Variants in RPS6KA2 observed in about 807,000 individuals in gnomAD.
RPS6KA2 encodes the protein ribosomal protein S6 kinase alpha-2.
RPS6KA2 carries 42 observed loss-of-function variants against 91.8 expected under a neutral mutation model. The ratio of observed to expected loss-of-function variants is 0.46; its 90% CI spans 0.36 to 0.59. The LOEUF is 0.59. Among genes scored for constraint, RPS6KA2 ranks in the 20% least tolerant of loss-of-function variants. The pLI is 0.00. For synonymous variants in RPS6KA2, 414 were observed against 393.6 expected, an observed-to-expected ratio of 1.05 and a Z score of -0.61; for missense variants, 798 against 978.5, an observed-to-expected ratio of 0.82 and a Z score of 2.46.
intron 2 of RPS6KA2, among the ~76,000 whole-genome samples, chr6:166,674,659 A>T (rs1205235558): frequency 6.6e-6 from 1 of 152,196 alleles, no homozygotes; most frequent in Non-Finnish European, 1.5e-5. Context: ...CATCATGATG[A>T]TGAAGACAGT....
intron 2 of RPS6KA2, among the ~76,000 whole-genome samples, chr6:166,725,824 G>GCTC (rs1790321508): frequency 6.6e-6 from 1 of 152,338 alleles, no homozygotes; most frequent in African/African-American, 2.4e-5. Flanking sequence ...GGGCAGGGAG[G>GCTC]CTCCTGGCGG....
intron 3 of RPS6KA2, among the ~76,000 whole-genome samples, chr6:166,518,249 C>A (rs1782725612): frequency 3.2e-5 from 2 of 62,266 alleles, no homozygotes; most frequent in African/African-American, 8.3e-5. Context: ...AAAACACTGC[C>A]TCAAAAAAAA....
At chr6:166,761,118 C>T (rs924013569) in intron 2 of RPS6KA2, among the ~76,000 whole-genome samples, 2 of 152,190 alleles carry the variant, frequency 1.3e-5, no homozygotes, top group African/African-American at 2.4e-5. Flanking sequence ...GGCTGGAGTG[C>T]AGTGGTGCGA....
chr6:166,792,591 T>C (rs530899327), intron 2 of RPS6KA2, among the ~76,000 whole-genome samples: 6 of 152,150 alleles, frequency 3.9e-5, no homozygotes, highest in African/African-American at 1.4e-4. Flanking sequence ...TGAACATCGA[T>C]GCAAAAATCC....
chr6:166,457,859 T>TCATCTACC (rs1413294871), intron 12 of RPS6KA2, among the ~76,000 whole-genome samples: 2 of 152,224 alleles, frequency 1.3e-5, no homozygotes, highest in Non-Finnish European at 2.9e-5. Context: ...CATTTTGTGG[T>TCATCTACC]TGACCATATA....
chr6:166,695,707 T>C (rs1789336409), intron 2 of RPS6KA2, among the ~76,000 whole-genome samples: 2 of 151,740 alleles, frequency 1.3e-5, no homozygotes, highest in Non-Finnish European at 2.9e-5. Flanking sequence ...AGCACTGGAT[T>C]CTCCTAGGAG....
intron 2 of RPS6KA2, among the ~76,000 whole-genome samples, chr6:166,853,034 C>T (rs529908303): frequency 3.9e-5 from 6 of 152,222 alleles, no homozygotes; most frequent in Non-Finnish European, 7.3e-5. Context: ...GAAGTGGAAT[C>T]ACGCTGACAT....
chr6:166,615,608 G>A (rs2128536478), intron 1 of RPS6KA2, among the ~76,000 whole-genome samples: 1 of 152,230 alleles, frequency 6.6e-6, no homozygotes, highest in East Asian at 1.9e-4. Flanking sequence ...ACAGGCCAAC[G>A]GTGCCCACAC....
At chr6:166,569,045 G>C (rs1784595278) in intron 1 of RPS6KA2, among the ~76,000 whole-genome samples, 2 of 152,106 alleles carry the variant, frequency 1.3e-5, no homozygotes, top group African/African-American at 4.8e-5. Flanking sequence ...ATTATATTCT[G>C]GATTTAATAA....
chr6:166,854,601 G>C (rs914184397), intron 2 of RPS6KA2, among the ~76,000 whole-genome samples: 1 of 152,204 alleles, frequency 6.6e-6, no homozygotes, highest in East Asian at 1.9e-4. Flanking sequence ...TCCTAAATAA[G>C]ATGACTTTTT....
At chr6:166,755,467 G>A (rs1777983916) in intron 2 of RPS6KA2, among the ~76,000 whole-genome samples, 1 of 150,240 alleles carries the variant, frequency 6.7e-6, no homozygotes, top group Non-Finnish European at 1.5e-5. Context: ...ACACAACTGG[G>A]GTTTATTTAT....
At chr6:166,558,444 C>T (rs1784241915) in intron 1 of RPS6KA2, among the ~76,000 whole-genome samples, 2 of 152,170 alleles carry the variant, frequency 1.3e-5, no homozygotes, top group South Asian at 4.1e-4. Flanking sequence ...TAAAACCATC[C>T]ACAAACACCC....
intron 3 of RPS6KA2, among the ~76,000 whole-genome samples, chr6:166,511,980 C>A (rs188200631): frequency 6.6e-6 from 1 of 152,104 alleles, no homozygotes; most frequent in Non-Finnish European, 1.5e-5. Flanking sequence ...TGGATTTGAA[C>A]GGGTTCATCC....
At chr6:166,583,759 C>T (rs971459973) in intron 1 of RPS6KA2, among the ~76,000 whole-genome samples, 6 of 152,202 alleles carry the variant, frequency 3.9e-5, no homozygotes, top group African/African-American at 1.4e-4. Context: ...TGTTTCAGTC[C>T]AGGAGGCATC....
At chr6:166,664,923 TG>T (rs1465824309) in intron 2 of RPS6KA2, among the ~76,000 whole-genome samples, 2 of 152,084 alleles carry the variant, frequency 1.3e-5, no homozygotes, top group Middle Eastern at 6.3e-3. Context: ...TGAGCTCCAT[TG>T]GAAACATCTG....
intron 2 of RPS6KA2, among the ~76,000 whole-genome samples, chr6:166,837,781 T>C (rs893096396): frequency 6.6e-6 from 1 of 152,214 alleles, no homozygotes; most frequent in Admixed American, 6.5e-5. Context: ...CCAGATGACC[T>C]GGCTGGGCTT....
chr6:166,450,514 A>G (rs62647931), intron 13 of RPS6KA2, among the ~76,000 whole-genome samples: 40,001 of 147,668 alleles, frequency 0.27, 4,997 homozygotes, highest in Middle Eastern at 0.33. Flanking sequence ...GGGGACCACC[A>G]GAGGGACCAC....
At chr6:166,824,365 C>T (rs552261256) in intron 2 of RPS6KA2, among the ~76,000 whole-genome samples, 11 of 152,316 alleles carry the variant, frequency 7.2e-5, no homozygotes, top group African/African-American at 2.6e-4. Context: ...CAGCCTGTCC[C>T]CCTGGTGCCC....
intron 2 of RPS6KA2, among the ~76,000 whole-genome samples, chr6:166,636,608 C>A (rs551961384): frequency 1.3e-5 from 2 of 152,178 alleles, no homozygotes; most frequent in Middle Eastern, 6.8e-3. Flanking sequence ...TGCTTGTCTC[C>A]AGTAATCACA....
Sources: gnomAD v4.1 joint callset for allele counts (sites outside exome capture counted in the v4.1 genomes callset) on GRCh38, gnomAD v4.1.1 for gene constraint, MANE v1.5 for transcripts, NCBI Gene and HGNC (gene_info 2026-07-23, HGNC 2026-07-21) for gene names.